Variants in ZNF638 observed in about 807,000 individuals in gnomAD.
The protein encoded by ZNF638 is CTCL tumor antigen se33-1.
Under a neutral mutation model 195.6 loss-of-function variants are expected in ZNF638, and 46 were observed. The observed-to-expected ratio is 0.24, with a 90% CI of 0.19 to 0.30. The LOEUF is 0.30. Among genes scored for constraint, ZNF638 ranks in the 10% least tolerant of loss-of-function variants. The probability of loss-of-function intolerance (pLI) is 1.00; values close to 1 mark genes in which losing one functional copy is unlikely to be tolerated. For missense variants in ZNF638, 2,440 were observed against 2,325.3 expected (o/e 1.05, Z -1.01); for synonymous variants, 845 against 772.0 (o/e 1.09, Z -1.57).
rs2080737193 is a variant in ZNF638, at chr2:71,435,025, T to C, written c.*218T>C. On this transcript the variant is annotated 3_prime_UTR_variant, in exon 28 of 28. Transcript: ENST00000264447. ...CATGGAGAAATATCTTTTAGAAGTG[T>C]TAAAATAAATGTTCCTACTGTATAT... 1 of 421,764 alleles carries C rather than the reference T, an allele frequency of 2.4e-6. No homozygotes were observed. Among genetic ancestry groups the C allele is most frequent in the South Asian group, 4.7e-5 (1 of 21,214 alleles). The allele number at this position is 421,764 out of a possible 1,614,324, so 26.1% of individuals were successfully genotyped here.
At chr2:71,401,391 T>G (rs937211574) in intron 15 of ZNF638, among the ~76,000 whole-genome samples, 2 of 152,266 alleles carry the variant, frequency 1.3e-5, no homozygotes, top group African/African-American at 4.8e-5. Flanking sequence ...GGGGTAAAGA[T>G]TCTCAGGAGC....
intron 17 of ZNF638, among the ~76,000 whole-genome samples, chr2:71,404,216 T>C (rs1010375824): frequency 5.3e-5 from 8 of 152,176 alleles, no homozygotes; most frequent in African/African-American, 1.9e-4. Flanking sequence ...TATGTTGGGA[T>C]GGAAAAAAGG....
chr2:71,364,629 A>G (rs934473091), intron 5 of ZNF638, among the ~76,000 whole-genome samples: 4 of 152,222 alleles, frequency 2.6e-5, no homozygotes, highest in Non-Finnish European at 5.9e-5. Flanking sequence ...ACAAACACAC[A>G]CCTTCTTCTA....
At chr2:71,335,833 C>G (rs111329000) in intron 1 of ZNF638, among the ~76,000 whole-genome samples, 10 of 152,192 alleles carry the variant, frequency 6.6e-5, no homozygotes, top group African/African-American at 2.4e-4. Flanking sequence ...TCAAATTTCC[C>G]CAGTTGTAAC....
chr2:71,354,164 T>C lies in ZNF638; in HGVS notation c.1318-1555T>C, dbSNP rs72839789. ...ACTTCTAATGACCTAAACTAAAATGTATTTCAAATGGAAACAAATAATAAC... is the reference window on the plus strand; with the variant it reads ...ACTTCTAATGACCTAAACTAAAATGCATTTCAAATGGAAACAAATAATAAC... On this transcript the variant is annotated intron_variant, in intron 2 of 27. Transcript: ENST00000264447. Among the ~76,000 whole-genome samples, 357 of 152,340 alleles carry C rather than the reference T, an allele frequency of 2.3e-3. 3 individuals are homozygous for C. Among genetic ancestry groups the C allele is most frequent in the Middle Eastern group, 0.02 (6 of 294 alleles).
rs751867316 is a variant in ZNF638, at chr2:71,355,788, T to A, written c.1379+8T>A. 7.7e-6 allele frequency: 12 copies of A among 1,557,826 alleles called. No homozygotes were observed. The South Asian group carries it at 1.3e-4, about 17-fold the overall frequency. On this transcript the variant is annotated splice_region_variant and intron_variant, in intron 3 of 27. Coordinates refer to ENST00000264447, the MANE Select transcript of ZNF638 (RefSeq NM_014497.5). ...TCGACAGTTACGTCAACAGTAAGAATATATTTTTCCTTTATTATAGATAGC... is the reference window on the plus strand; with the variant it reads ...TCGACAGTTACGTCAACAGTAAGAAAATATTTTTCCTTTATTATAGATAGC...
intron 11 of ZNF638, among the ~76,000 whole-genome samples, chr2:71,396,595 C>T (rs1247002281): frequency 6.6e-6 from 1 of 152,134 alleles, no homozygotes; most frequent in Non-Finnish European, 1.5e-5. Flanking sequence ...CCCAGTTCTG[C>T]TAAATCCTGA....
intron 1 of ZNF638, among the ~76,000 whole-genome samples, chr2:71,346,952 A>G (rs575312847): frequency 3.2e-4 from 49 of 152,104 alleles, no homozygotes; most frequent in Admixed American, 9.8e-4. Flanking sequence ...TGAACCCAAG[A>G]GGTGGAGGTT....
chr2:71,434,671 A>G lies in ZNF638; in HGVS notation c.5872-71A>G, dbSNP rs898529979. The G allele has an allele frequency of 8.2e-6, 10 of 1,224,122 alleles. No homozygotes were observed. In the African/African-American group the frequency reaches 1.2e-4, roughly 15 times the overall value. 75.8% of individuals were successfully genotyped at this position (1,224,122 alleles called of 1,614,324 possible). A position where few individuals can be genotyped will look rare whatever the true frequency, so the allele number is the denominator to read the frequency against. On this transcript the variant is annotated intron_variant, in intron 27 of 27. Transcript: ENST00000264447. ...AGTTTCTTTTAAATTATAAATATACAGTAGATAAGTTTGCACACATAGCAA... is the reference window on the plus strand; with the variant it reads ...AGTTTCTTTTAAATTATAAATATACGGTAGATAAGTTTGCACACATAGCAA...
Position 71,426,977 on chromosome 2 carries a change from C to T in ZNF638, c.5108C>T (p.Ala1703Val). 6.2e-7 allele frequency: 1 copy of T among 1,611,966 alleles called. No homozygotes were observed. Reference protein sequence around the residue: ...PLNESADITFATLNTKGNEGD... With the variant: ...PLNESADITFVTLNTKGNEGD... ...AATGAGTCAGCAGACATAACTTTTG[C>T]CACTTTAAATACTAAAGGAAATGAA... The change falls in exon 24 of 28, where the codon GCC becomes GTC. Residue 1703 changes from alanine (A) to valine (V), a missense_variant. Physicochemically the swap from Ala to Val is moderately conservative, Grantham distance 64 (BLOSUM62 0). This residue lies in a region of ZNF638 where 1,883 missense variants were observed against 1,739.1 expected (regional missense o/e 1.08). Coordinates refer to ENST00000264447, the MANE Select transcript of ZNF638 (RefSeq NM_014497.5).
At chr2:71,341,189 C>T (rs1264567624) in intron 1 of ZNF638, among the ~76,000 whole-genome samples, 2 of 152,160 alleles carry the variant, frequency 1.3e-5, no homozygotes, top group Non-Finnish European at 2.9e-5. Context: ...TCATGGCTTC[C>T]TCAAGAACCC....
In ZNF638 at chr2:71,426,442, T is replaced by C. The variant is rs376962270; in HGVS notation, c.4591-18T>C. 4.6e-6 allele frequency: 7 copies of C among 1,535,172 alleles called. No individual in the cohort carries two copies. In the African/African-American group the frequency reaches 9.7e-5, roughly 21 times the overall value. ...TCAAAATTTGTTTACAATACTATGATTTTTAACTTTCCAACAGGAGCCATT... is the reference window on the plus strand; with the variant it reads ...TCAAAATTTGTTTACAATACTATGACTTTTAACTTTCCAACAGGAGCCATT... On this transcript the variant is annotated intron_variant, in intron 23 of 27. Transcript: ENST00000264447.
At chr2:71,363,130 A>G in intron 3 of ZNF638, 23 bp from the exon 4 acceptor site, 1 of 1,569,214 alleles carries the variant, frequency 6.4e-7, no homozygotes. Flanking sequence ...GCTGTTAGTT[A>G]ATATTGTTTA....
chr2:71,333,416 T>C (rs1014997658), intron 1 of ZNF638, among the ~76,000 whole-genome samples: 1 of 152,234 alleles, frequency 6.6e-6, no homozygotes, highest in Admixed American at 6.5e-5. Flanking sequence ...ATAATGTGTT[T>C]ATGGTCACAT....
intron 2 of ZNF638, among the ~76,000 whole-genome samples, chr2:71,354,102 T>G (rs1275482505): frequency 6.6e-6 from 1 of 152,216 alleles, no homozygotes; most frequent in Non-Finnish European, 1.5e-5. Flanking sequence ...CAAGGCAGAA[T>G]CCAAAATTAT....
intron 25 of ZNF638, among the ~76,000 whole-genome samples, chr2:71,430,148 A>C (rs965248691): frequency 4.6e-5 from 7 of 152,134 alleles, no homozygotes; most frequent in African/African-American, 1.7e-4. Context: ...CTTAAGAAAA[A>C]GTCATTTTTC....
chr2:71,341,818 T>C (rs993459172), intron 1 of ZNF638: 1 of 152,136 alleles, frequency 6.6e-6, no homozygotes, highest in Non-Finnish European at 1.5e-5. Flanking sequence ...GCTGTCTTAA[T>C]TTGTTTGGTG....
chr2:71,408,690 A>G (rs2080152352), intron 20 of ZNF638: 2 of 425,436 alleles, frequency 4.7e-6, no homozygotes, highest in Non-Finnish European at 9.4e-6. Context: ...TAGTACATGT[A>G]GGAAAGCTAT....
At chr2:71,376,887 C>G (rs1296735172) in intron 8 of ZNF638, among the ~76,000 whole-genome samples, 1 of 152,140 alleles carries the variant, frequency 6.6e-6, no homozygotes, top group African/African-American at 2.4e-5. Context: ...TTGAGCTACT[C>G]CTTGCCCCAC....
Sources: allele counts gnomAD v4.1 joint callset (sites outside exome capture counted in the v4.1 genomes callset), GRCh38; gene constraint gnomAD v4.1.1; regional missense constraint gnomAD v4.1.1; transcripts MANE v1.5; gene names NCBI Gene and HGNC (gene_info 2026-07-23, HGNC 2026-07-21).